DLG2: variants seen among roughly 807,000 people sequenced by gnomAD.
DLG2 encodes the protein discs large MAGUK scaffold protein 2.
In DLG2, 45 loss-of-function variants were observed where a neutral mutation model predicts 132.5. The observed-to-expected ratio is 0.34, with a 90% CI of 0.27 to 0.44. The LOEUF is 0.44. Among genes scored for constraint, DLG2 ranks in the 20% least tolerant of loss-of-function variants. DLG2 has a pLI of 1.00. For missense variants in DLG2, 1,045 were observed against 1,196.9 expected (o/e 0.87, Z 1.87); for synonymous variants, 424 against 419.6 (o/e 1.01, Z -0.13).
At chr11:85,080,035 C>T (rs1325334242) in intron 6 of DLG2, among the ~76,000 whole-genome samples, 1 of 152,096 alleles carries the variant, frequency 6.6e-6, no homozygotes, top group Non-Finnish European at 1.5e-5. Context: ...GGCAAAGTCC[C>T]TTATTTTGCC....
intron 6 of DLG2, among the ~76,000 whole-genome samples, chr11:84,911,553 C>A (rs2092062273): frequency 1.3e-5 from 2 of 151,958 alleles, no homozygotes; most frequent in South Asian, 4.1e-4. Context: ...TGCTCCAATA[C>A]AACTTACAAA....
At chr11:85,100,012 A>G (rs923074683) in intron 6 of DLG2, among the ~76,000 whole-genome samples, 1 of 152,192 alleles carries the variant, frequency 6.6e-6, no homozygotes, top group Non-Finnish European at 1.5e-5. Flanking sequence ...AAACGTACCA[A>G]TGGTTCTGAG....
chr11:84,658,102 C>T (rs2099690342), intron 6 of DLG2, among the ~76,000 whole-genome samples: 1 of 152,104 alleles, frequency 6.6e-6, no homozygotes, highest in Non-Finnish European at 1.5e-5. Flanking sequence ...TTATTTACTG[C>T]TGCTTCTTTC....
chr11:85,608,503 T>C (rs2080753138), intron 2 of DLG2, among the ~76,000 whole-genome samples: 1 of 152,162 alleles, frequency 6.6e-6, no homozygotes, highest in Non-Finnish European at 1.5e-5. Context: ...TACATAACTA[T>C]GCAAAGCTTG....
chr11:84,090,467 A>G (rs1286289840), intron 10 of DLG2, among the ~76,000 whole-genome samples: 1 of 151,552 alleles, frequency 6.6e-6, no homozygotes, highest in Non-Finnish European at 1.5e-5. Flanking sequence ...TTTAATGACT[A>G]CTCTAGAAGA....
At chr11:85,613,713 G>T (rs1050117285) in intron 2 of DLG2, among the ~76,000 whole-genome samples, 3 of 152,212 alleles carry the variant, frequency 2.0e-5, no homozygotes, top group African/African-American at 7.2e-5. Context: ...CAATCAGTAG[G>T]ATGTGGGTGG....
At chr11:83,696,850 T>C (rs745373941) in intron 18 of DLG2, among the ~76,000 whole-genome samples, 1 of 152,118 alleles carries the variant, frequency 6.6e-6, no homozygotes, top group Non-Finnish European at 1.5e-5. Context: ...TATTGGAGAG[T>C]TGCAAAGCAC....
intron 4 of DLG2, among the ~76,000 whole-genome samples, chr11:85,275,027 T>C (rs2077799994): frequency 6.6e-6 from 1 of 152,208 alleles, no homozygotes; most frequent in Non-Finnish European, 1.5e-5. Context: ...TACCCTATCC[T>C]TCATTCTAAA....
intron 6 of DLG2, among the ~76,000 whole-genome samples, chr11:85,080,297 C>A (rs1377167928): frequency 6.6e-6 from 1 of 151,866 alleles, no homozygotes; most frequent in Non-Finnish European, 1.5e-5. Flanking sequence ...GTAATCTTTT[C>A]TTGTTTGTTT....
chr11:85,354,283 TA>T (rs953347151), intron 3 of DLG2, among the ~76,000 whole-genome samples: 3 of 152,074 alleles, frequency 2.0e-5, no homozygotes, highest in Non-Finnish European at 2.9e-5. Flanking sequence ...AAAACTAACT[TA>T]AAAAAATGAT....
intron 4 of DLG2, among the ~76,000 whole-genome samples, chr11:85,193,266 G>C (rs1211380935): frequency 2.6e-5 from 4 of 152,120 alleles, no homozygotes; most frequent in Admixed American, 2.0e-4. Flanking sequence ...TTTTATGGCT[G>C]ATTAATACTC....
chr11:84,920,648 C>A (rs986854085), intron 6 of DLG2, among the ~76,000 whole-genome samples: 1 of 151,978 alleles, frequency 6.6e-6, no homozygotes, highest in African/African-American at 2.4e-5. Flanking sequence ...AGATGTCATT[C>A]AAAAAATTGT....
chr11:84,360,368 T>C (rs1284344719), intron 7 of DLG2, among the ~76,000 whole-genome samples: 2 of 151,966 alleles, frequency 1.3e-5, no homozygotes, highest in South Asian at 2.1e-4. Context: ...TTCCTACTTA[T>C]ACTTCCAAGG....
chr11:84,751,607 G>A (rs1182831084), intron 6 of DLG2, among the ~76,000 whole-genome samples: 2 of 152,032 alleles, frequency 1.3e-5, no homozygotes, highest in Admixed American at 6.6e-5. Flanking sequence ...AGCAAAAATC[G>A]GCTGTGGTTA....
At chr11:84,704,676 A>G (rs1038643697) in intron 6 of DLG2, among the ~76,000 whole-genome samples, 5 of 151,468 alleles carry the variant, frequency 3.3e-5, no homozygotes, top group African/African-American at 1.2e-4. Flanking sequence ...TGAAAATATG[A>G]ATAATTTTAC....
At chr11:85,553,578 A>T (rs1334207825) in intron 3 of DLG2, among the ~76,000 whole-genome samples, 2 of 151,594 alleles carry the variant, frequency 1.3e-5, no homozygotes, top group East Asian at 3.9e-4. Flanking sequence ...ATATTAATTG[A>T]TTCTTACTGA....
intron 6 of DLG2, among the ~76,000 whole-genome samples, chr11:84,823,933 A>G (rs1042252854): frequency 3.9e-5 from 6 of 151,950 alleles, no homozygotes; most frequent in Non-Finnish European, 4.4e-5. Flanking sequence ...CATTACTGCA[A>G]AAAATATTGA....
At chr11:84,980,614 G>C (rs1323580766) in intron 6 of DLG2, among the ~76,000 whole-genome samples, 5 of 152,078 alleles carry the variant, frequency 3.3e-5, no homozygotes, top group Non-Finnish European at 7.4e-5. Context: ...ATACCTTTCA[G>C]CCAATTCCAG....
At chr11:83,665,803 T>C (rs2075397377) in intron 18 of DLG2, among the ~76,000 whole-genome samples, 2 of 152,176 alleles carry the variant, frequency 1.3e-5, no homozygotes, top group Admixed American at 1.3e-4. Flanking sequence ...ATTTTTTTTT[T>C]TAGAGAACGG....
Sources: allele counts gnomAD v4.1 joint callset (sites outside exome capture counted in the v4.1 genomes callset), GRCh38; gene constraint gnomAD v4.1.1; transcripts MANE v1.5; gene names NCBI Gene and HGNC (gene_info 2026-07-23, HGNC 2026-07-21).